SLC24A3: variants seen among roughly 807,000 people sequenced by gnomAD.
The protein encoded by SLC24A3 is sodium/potassium/calcium exchanger 3.
In SLC24A3, 28 loss-of-function variants were observed where a neutral mutation model predicts 75.8. The ratio of observed to expected loss-of-function variants is 0.37; its 90% CI spans 0.27 to 0.51. The LOEUF is 0.51. Ranked by LOEUF, SLC24A3 falls within the 20% of genes least tolerant of loss-of-function variation. The pLI is 0.94. For synonymous variants in SLC24A3, 372 were observed against 334.1 expected (o/e 1.11, Z -1.24); for missense variants, 663 against 847.8 (o/e 0.78, Z 2.71).
intron 4 of SLC24A3, among the ~76,000 whole-genome samples, chr20:19,583,824 C>T (rs890819455): frequency 4.6e-5 from 7 of 152,210 alleles, no homozygotes; most frequent in African/African-American, 7.2e-5. Flanking sequence ...GCGCTATCTG[C>T]GCCTCCATCT....
At chr20:19,646,607 A>T (rs2032140151) in intron 6 of SLC24A3, among the ~76,000 whole-genome samples, 1 of 152,208 alleles carries the variant, frequency 6.6e-6, no homozygotes, top group Admixed American at 6.5e-5. Context: ...AGGAAAGTGC[A>T]CCTGTCCTAA....
At chr20:19,576,454 T>C (rs967798930) in intron 3 of SLC24A3, among the ~76,000 whole-genome samples, 5 of 152,144 alleles carry the variant, frequency 3.3e-5, no homozygotes, top group African/African-American at 1.2e-4. Flanking sequence ...CAGAGTGTTT[T>C]GTAGCCAGAG....
At chr20:19,644,784 C>T (rs1459321558) in intron 6 of SLC24A3, among the ~76,000 whole-genome samples, 1 of 152,210 alleles carries the variant, frequency 6.6e-6, no homozygotes, top group Non-Finnish European at 1.5e-5. Context: ...CTGCCCCCTT[C>T]TCCAGGGGAA....
rs141289196 is a variant in SLC24A3, at chr20:19,519,668, T to A, written c.348+4104T>A. ...AACATTGAAACACTAAAAGCAGGATTTCCTGTCTGTGAGGAAATTTGCACC... is the reference window on the plus strand; with the variant it reads ...AACATTGAAACACTAAAAGCAGGATATCCTGTCTGTGAGGAAATTTGCACC... On this transcript the variant is annotated intron_variant, in intron 3 of 16. Coordinates refer to ENST00000328041, the MANE Select transcript of SLC24A3 (RefSeq NM_020689.4). Among the ~76,000 whole-genome samples, 234 of 152,352 alleles carry A rather than the reference T, an allele frequency of 1.5e-3. 3 individuals are homozygous for A. In the East Asian group the frequency reaches 0.039, roughly 25 times the overall value.
intron 2 of SLC24A3, among the ~76,000 whole-genome samples, chr20:19,425,508 G>A (rs1435613598): frequency 1.3e-5 from 2 of 152,070 alleles, no homozygotes; most frequent in African/African-American, 4.8e-5. Flanking sequence ...AAACATTTTT[G>A]GCAAAAGTAC....
intron 13 of SLC24A3, chr20:19,694,366 G>A (rs769710485): frequency 1.3e-5 from 2 of 152,126 alleles, no homozygotes; most frequent in African/African-American, 2.4e-5. Context: ...AAACTCAAGA[G>A]CTAAAAAGAA....
intron 2 of SLC24A3, among the ~76,000 whole-genome samples, chr20:19,295,477 A>T (rs1007325701): frequency 6.6e-6 from 1 of 152,112 alleles, no homozygotes; most frequent in Non-Finnish European, 1.5e-5. Context: ...TCAGTATGAT[A>T]TTGGCTGTGG....
intron 1 of SLC24A3, among the ~76,000 whole-genome samples, chr20:19,262,277 C>A (rs557764033): frequency 6.6e-6 from 1 of 151,290 alleles, no homozygotes; most frequent in Non-Finnish European, 1.5e-5. Flanking sequence ...TGGTGGCGGG[C>A]GCCTGTAGTC....
chr20:19,259,273 G>A (rs564834452), intron 1 of SLC24A3, among the ~76,000 whole-genome samples: 3 of 152,288 alleles, frequency 2.0e-5, no homozygotes, highest in East Asian at 3.9e-4. Flanking sequence ...TGACTCCACC[G>A]TACAGATGTC....
At chr20:19,254,102 T>C (rs1982740344) in intron 1 of SLC24A3, among the ~76,000 whole-genome samples, 1 of 152,208 alleles carries the variant, frequency 6.6e-6, no homozygotes, top group African/African-American at 2.4e-5. Flanking sequence ...AATTGGGGAT[T>C]TTTTATGACA....
rs930516512 is a variant in SLC24A3, at chr20:19,569,697, G to C, written c.349-10303G>C. ...TTTTGCTCCCTCCTGGCTCTCCAGG[G>C]TCTGGCGGCAGCTGCTTCCCTCCAC... On this transcript the variant is annotated intron_variant, in intron 3 of 16. Transcript: ENST00000328041. 2.0e-5 allele frequency among the ~76,000 whole-genome samples: 3 copies of C among 151,808 alleles called. No individual in the cohort carries two copies. In the East Asian group the frequency reaches 5.8e-4, roughly 30 times the overall value.
At chr20:19,670,951 AGG>A (rs34414895) in intron 8 of SLC24A3, among the ~76,000 whole-genome samples, 1 of 152,218 alleles carries the variant, frequency 6.6e-6, no homozygotes, top group Non-Finnish European at 1.5e-5. Flanking sequence ...ACCAGATACC[AGG>A]GAAGGTGTCA....
At chr20:19,292,084 C>A (rs1983955268) in intron 2 of SLC24A3, among the ~76,000 whole-genome samples, 1 of 152,200 alleles carries the variant, frequency 6.6e-6, no homozygotes, top group Non-Finnish European at 1.5e-5. Context: ...GGGGAGGACC[C>A]ATGGGCTGTG....
chr20:19,466,781 G>A (rs772343487), intron 2 of SLC24A3, among the ~76,000 whole-genome samples: 13 of 152,094 alleles, frequency 8.5e-5, no homozygotes, highest in Non-Finnish European at 1.5e-4. Flanking sequence ...CTCGTCTTTC[G>A]AATGTACAGA....
rs139944799 is a variant in SLC24A3, at chr20:19,259,527, A to G, written c.143-21432A>G. The stretch of plus-strand genomic sequence containing the variant: ...GACACCTGAAGATTGGCGACCAGGC[A>G]AGGTGATGTGACCACAGTGGCCACA... On this transcript the variant is annotated intron_variant, in intron 1 of 16. Coordinates refer to ENST00000328041, the MANE Select transcript of SLC24A3 (RefSeq NM_020689.4). 7.9e-5 allele frequency among the ~76,000 whole-genome samples: 12 copies of G among 152,318 alleles called. No homozygotes were observed. The East Asian group carries it at 2.3e-3, about 29-fold the overall frequency.
Position 19,722,890 on chromosome 20 carries a change from G to A in SLC24A3, c.*1750G>A, listed in dbSNP as rs548929192. The stretch of plus-strand genomic sequence containing the variant: ...CGGATAGTGTAAAATAAACTTCTCT[G>A]TTCTCTATCCTTCCCAGAGCAGAGT... On this transcript the variant is annotated 3_prime_UTR_variant, in exon 17 of 17. Transcript: ENST00000328041. The A allele has an allele frequency of 6.5e-6, 1 of 152,760 alleles. No individual in the cohort carries two copies. The highest frequency in any genetic ancestry group is 2.1e-4 in the South Asian group (1 of 4,832). 9.5% of individuals were successfully genotyped at this position (152,760 alleles called of 1,614,324 possible).
At chr20:19,234,221 C>T (rs1374045093) in intron 1 of SLC24A3, among the ~76,000 whole-genome samples, 2 of 152,196 alleles carry the variant, frequency 1.3e-5, no homozygotes, top group Non-Finnish European at 2.9e-5. Context: ...TCGCCCAGGT[C>T]CCCTGTGAGC....
At chr20:19,216,874 C>T (rs145961877) in intron 1 of SLC24A3, among the ~76,000 whole-genome samples, 45 of 152,280 alleles carry the variant, frequency 3.0e-4, no homozygotes, top group African/African-American at 1.1e-3. Flanking sequence ...TGTCTCTGCT[C>T]CACTACATCT....
At chr20:19,535,910 G>A (rs191401090) in intron 3 of SLC24A3, among the ~76,000 whole-genome samples, 138 of 152,270 alleles carry the variant, frequency 9.1e-4, no homozygotes, top group African/African-American at 3.3e-3. Context: ...CCTTCTTGCT[G>A]TGTCATCCCA....
Sources: gnomAD v4.1 joint callset for allele counts (sites outside exome capture counted in the v4.1 genomes callset) on GRCh38, gnomAD v4.1.1 for gene constraint, MANE v1.5 for transcripts, NCBI Gene and HGNC (gene_info 2026-07-23, HGNC 2026-07-21) for gene names.